WTAP: variants seen among roughly 807,000 people sequenced by gnomAD.
WTAP encodes WT1 associated protein.
WTAP carries 8 observed loss-of-function variants against 50.0 expected under a neutral mutation model. The ratio of observed to expected loss-of-function variants is 0.16; its 90% CI spans 0.09 to 0.29. The LOEUF is 0.29. WTAP is among the 10% of genes least tolerant of loss of function. WTAP has a pLI of 1.00. For missense variants in WTAP, 295 were observed against 470.7 expected (o/e 0.63, Z 3.45); for synonymous variants, 194 against 169.0 (o/e 1.15, Z -1.15).
chr6:159,749,265 A>G, intron 6 of WTAP: 1 of 985,374 alleles, frequency 1.0e-6, no homozygotes, highest in Middle Eastern at 5.2e-4. Context: ...TCACTGCATT[A>G]TTTTTTTTAG....
At chr6:159,753,144 T>C (rs548206443) in intron 6 of WTAP, among the ~76,000 whole-genome samples, 3 of 152,232 alleles carry the variant, frequency 2.0e-5, no homozygotes, top group African/African-American at 7.2e-5. Context: ...TGTGTGTTAA[T>C]TAACTGGCTC....
chr6:159,740,148 A>AT (rs957227777), intron 3 of WTAP, among the ~76,000 whole-genome samples: 16 of 146,940 alleles, frequency 1.1e-4, no homozygotes, highest in East Asian at 2.0e-4. Flanking sequence ...CCTGGCCATG[A>AT]TTTTTTTTTT....
At chr6:159,733,346 G>T (rs1282233162) in intron 1 of WTAP, among the ~76,000 whole-genome samples, 1 of 152,228 alleles carries the variant, frequency 6.6e-6, no homozygotes, top group East Asian at 1.9e-4. Context: ...GCAGGGTGCA[G>T]TGGCTCACGC....
intron 6 of WTAP, among the ~76,000 whole-genome samples, chr6:159,750,846 C>T (rs377625820): frequency 0.015 from 2,310 of 152,160 alleles, 60 homozygotes; most frequent in African/African-American, 0.052. Flanking sequence ...CAGGCAATCC[C>T]GTCTGGAATA....
intron 7 of WTAP, among the ~76,000 whole-genome samples, chr6:159,753,951 C>G (rs1467260723): frequency 1.3e-5 from 2 of 152,124 alleles, no homozygotes; most frequent in African/African-American, 2.4e-5. Flanking sequence ...ATAAGCATTT[C>G]TCGTTAAGTG....
At position 159,755,246 on chromosome 6, in the gene WTAP, G is replaced by A. The variant is rs1779958616; in HGVS notation, c.826G>A (p.Gly276Arg). The A allele has an allele frequency of 3.1e-6, 5 of 1,614,158 alleles. No homozygotes were observed. Among genetic ancestry groups the A allele is most frequent in the Non-Finnish European group, 4.2e-6 (5 of 1,180,018 alleles). ...TSKDCSRLTNGPSNGSSSRQR... is the reference protein window; with the variant it reads ...TSKDCSRLTNRPSNGSSSRQR... The stretch of plus-strand genomic sequence containing the variant: ...TAAAGACTGCAGTCGTCTGACAAAC[G>A]GACCAAGTAATGGTAGCTCCTCCCG... The change falls in exon 8 of 8, where the codon GGA (glycine) becomes AGA (arginine). Residue 276 changes from glycine to arginine, a missense_variant. By Grantham distance (125) the Gly-to-Arg change is moderately radical. Around this residue, in one of 2 missense-constraint regions of WTAP, gnomAD observed 175 missense variants for 183.1 expected, o/e 0.96. Transcript: ENST00000621533.
chr6:159,733,777 G>A (rs545648066), intron 1 of WTAP, among the ~76,000 whole-genome samples: 11 of 152,230 alleles, frequency 7.2e-5, no homozygotes, highest in African/African-American at 2.4e-4. Flanking sequence ...TTAGCCGGGC[G>A]TGGTGGCGCA....
rs567421408 is a variant in WTAP, at chr6:159,755,498, C to A, written c.1078C>A (p.His360Asn). 4.3e-6 allele frequency: 7 copies of A among 1,614,170 alleles called. No individual in the cohort carries two copies. In the South Asian group the frequency reaches 7.7e-5, roughly 18 times the overall value. ...CCAATCAAATGACACAGACTCCAGTCATGACCCTCAAGAGGAGAAAGCAGT... is the reference window on the plus strand; with the variant it reads ...CCAATCAAATGACACAGACTCCAGTAATGACCCTCAAGAGGAGAAAGCAGT... ...THQSNDTDSS[H>N]DPQEEKAVSG... The change falls in exon 8 of 8, where the codon CAT becomes AAT. Residue 360 changes from histidine (H) to asparagine (N), a missense_variant. His to Asn is a moderately conservative substitution (Grantham distance 68). Coordinates refer to ENST00000621533, the MANE Select transcript of WTAP (RefSeq NM_001270531.2).
At position 159,748,098 on chromosome 6, in the gene WTAP, G is replaced by A. The variant is rs1388356914; in HGVS notation, c.274-93G>A. 3 of 1,444,040 alleles carry A rather than the reference G, an allele frequency of 2.1e-6. No individual in the cohort carries two copies. Among genetic ancestry groups the A allele is most frequent in the Non-Finnish European group, 2.8e-6 (3 of 1,070,428 alleles). 89.5% of individuals were successfully genotyped at this position (1,444,040 alleles called of 1,614,324 possible). On this transcript the variant is annotated intron_variant, in intron 5 of 7. Transcript: ENST00000621533. This position sits in a 1 kb window ranked among gnomAD's most constrained non-coding sequence, Gnocchi z 5.6. ...AAGAGGGGAGGAGCTTAATGAAAGA[G>A]TTGGTAAATCAAGTGAATGGAGGGA...
At chr6:159,727,114 G>A (rs1353461751), upstream of WTAP, 21 of 1,193,402 alleles carry the variant, frequency 1.8e-5, no homozygotes, top group South Asian at 1.5e-5. Flanking sequence ...CCCTCCCCTC[G>A]GCCGCTTCCC....
In WTAP at chr6:159,755,765, CTTTTTTTTT is replaced by C; in HGVS notation, c.*171_*179del. 42 of 173,358 alleles carry C rather than the reference CTTTTTTTTT, an allele frequency of 2.4e-4. No individual in the cohort carries two copies. Among genetic ancestry groups the C allele is most frequent in the East Asian group, 1.6e-3 (5 of 3,086 alleles). The allele number at this position is 173,358 out of a possible 1,614,324, so 10.7% of individuals were successfully genotyped here. On this transcript the variant is annotated 3_prime_UTR_variant, in exon 8 of 8. Transcript: ENST00000621533. ...TTTTTCTTTGTTTTTTTTTTCTTTTCTTTTTTTTTTTTTTTTTTTTTTTTTGCTTCAATA... is the reference window on the plus strand; with the variant it reads ...TTTTTCTTTGTTTTTTTTTTCTTTTCTTTTTTTTTTTTTTTTGCTTCAATA...
intron 7 of WTAP, among the ~76,000 whole-genome samples, chr6:159,754,793 T>C (rs1191615419): frequency 6.6e-6 from 1 of 152,306 alleles, no homozygotes; most frequent in East Asian, 1.9e-4. Context: ...GTTGCTTGAA[T>C]TCATTGTTGC....
At chr6:159,727,195 A>T, upstream of WTAP, 3 of 1,232,758 alleles carry the variant, frequency 2.4e-6, no homozygotes, top group Non-Finnish European at 3.1e-6. Flanking sequence ...GGGGAGTGTT[A>T]CCGGGGAGCA....
upstream of WTAP, chr6:159,726,970 C>G (rs1018148333): frequency 7.8e-7 from 1 of 1,282,138 alleles, no homozygotes; most frequent in Non-Finnish European, 1.0e-6. Flanking sequence ...GAACACAGAG[C>G]GGCCAATCAC....
chr6:159,727,985 C>T (rs1312495981), intron 1 of WTAP, among the ~76,000 whole-genome samples: 1 of 152,234 alleles, frequency 6.6e-6, no homozygotes, highest in Non-Finnish European at 1.5e-5. Context: ...CGGAGGATGC[C>T]CTCCCCGGGC....
rs1263039166 is a variant in WTAP, at chr6:159,748,983, A to G, written c.452+614A>G. 3.8e-6 allele frequency: 4 copies of G among 1,040,434 alleles called. No homozygotes were observed. Among genetic ancestry groups the G allele is most frequent in the African/African-American group, 1.7e-5 (1 of 59,528 alleles). The allele number at this position is 1,040,434 out of a possible 1,614,324, so 64.5% of individuals were successfully genotyped here. ...TATTTGCTGAGAACCAACTTTCAAT[A>G]GTCATGAGAGAATCAAATAATAGAT... On this transcript the variant is annotated intron_variant, in intron 6 of 7. Coordinates refer to ENST00000621533, the MANE Select transcript of WTAP (RefSeq NM_001270531.2). The surrounding 1 kb of genome is among the most constrained non-coding windows in gnomAD (Gnocchi z 5.6).
chr6:159,727,446 C>T (rs1422440097), upstream of WTAP: 52 of 919,230 alleles, frequency 5.7e-5, no homozygotes, highest in Non-Finnish European at 6.7e-5. Context: ...GGCTGTGGGG[C>T]GGGGCAGGGC....
At chr6:159,731,814 G>A (rs1302328883) in intron 1 of WTAP, among the ~76,000 whole-genome samples, 1 of 152,186 alleles carries the variant, frequency 6.6e-6, no homozygotes, top group Non-Finnish European at 1.5e-5. Context: ...TATTTGCAAA[G>A]TTGACAACCT....
At chr6:159,750,898 G>A (rs1360848086) in intron 6 of WTAP, among the ~76,000 whole-genome samples, 3 of 152,238 alleles carry the variant, frequency 2.0e-5, no homozygotes, top group East Asian at 1.9e-4. Context: ...TTGCGTGCAC[G>A]CGCACGCACG....
Sources: allele counts gnomAD v4.1 joint callset (sites outside exome capture counted in the v4.1 genomes callset), GRCh38; gene constraint gnomAD v4.1.1; regional missense constraint gnomAD v4.1.1; non-coding constraint Gnocchi (gnomAD v3.1); transcripts MANE v1.5; gene names NCBI Gene and HGNC (gene_info 2026-07-23, HGNC 2026-07-21).